Variants in XKR6 observed in about 807,000 individuals in gnomAD.
XKR6 encodes XK-related protein 6.
A neutral mutation model predicts 56.7 loss-of-function variants in XKR6; 22 were observed. The observed-to-expected ratio is 0.39, with a 90% confidence interval of 0.28 to 0.55. The LOEUF is 0.55. XKR6 is among the 20% of genes least tolerant of loss of function. The probability of loss-of-function intolerance (pLI) is 0.66; values close to 1 mark genes in which losing one functional copy is unlikely to be tolerated. For synonymous variants in XKR6, 524 were observed against 387.8 expected (o/e 1.35, Z -4.13); for missense variants, 852 against 889.0 (o/e 0.96, Z 0.53).
chr8:10,975,413 C>T (rs1802525710), intron 1 of XKR6, among the ~76,000 whole-genome samples: 1 of 152,226 alleles, frequency 6.6e-6, no homozygotes. Flanking sequence ...GGTGCACTGC[C>T]CTACAAAGCA....
chr8:11,157,542 G>C (rs919632628), intron 1 of XKR6, among the ~76,000 whole-genome samples: 1 of 152,026 alleles, frequency 6.6e-6, no homozygotes, highest in Non-Finnish European at 1.5e-5. Context: ...TAGAGATGCA[G>C]TCTCTCTCTG....
At chr8:11,074,871 A>G (rs1047076435) in intron 1 of XKR6, among the ~76,000 whole-genome samples, 8 of 152,188 alleles carry the variant, frequency 5.3e-5, no homozygotes, top group Non-Finnish European at 1.5e-5. Flanking sequence ...GATGAGCAAA[A>G]CAGCACTGAG....
intron 1 of XKR6, among the ~76,000 whole-genome samples, chr8:11,179,302 C>G (rs892449743): frequency 1.3e-5 from 2 of 152,158 alleles, no homozygotes; most frequent in Admixed American, 6.5e-5. Context: ...TAACTGTTAA[C>G]TGACAATTTT....
chr8:11,096,517 G>A (rs1798267094), intron 1 of XKR6, among the ~76,000 whole-genome samples: 2 of 152,194 alleles, frequency 1.3e-5, no homozygotes, highest in African/African-American at 2.4e-5. Flanking sequence ...GAAGGCATTG[G>A]TGTATCTGAA....
At chr8:11,140,542 T>G (rs761681022) in intron 1 of XKR6, among the ~76,000 whole-genome samples, 12 of 152,150 alleles carry the variant, frequency 7.9e-5, no homozygotes, top group Non-Finnish European at 1.5e-4. Context: ...CTAAGTAAAG[T>G]GACCTTCAAG....
rs541621602 is a variant in XKR6 at position 11,002,065 on chromosome 8, T to TAA, written c.765-77237_765-77236dup. 3.3e-3 allele frequency among the ~76,000 whole-genome samples: 423 copies of TAA among 127,060 alleles called. 1 individual carries two copies. Among genetic ancestry groups the TAA allele is most frequent in the African/African-American group, 0.012 (387 of 33,266 alleles). The allele number at this position is 127,060 out of a possible 152,430, so 83.4% of individuals were successfully genotyped here. ...AAATCCATGTCGTTACCATGTGAGT[T>TAA]AAAAAAAAAAAAAAAACACACAAAA... On this transcript the variant is annotated intron_variant, in intron 1 of 2. Coordinates refer to ENST00000416569, the MANE Select transcript of XKR6 (RefSeq NM_173683.4).
At chr8:10,945,740 TC>T (rs1405911519) in intron 1 of XKR6, among the ~76,000 whole-genome samples, 2 of 152,208 alleles carry the variant, frequency 1.3e-5, no homozygotes, top group Non-Finnish European at 2.9e-5. Flanking sequence ...AGTTCATATG[TC>T]TCTATTCCAA....
At chr8:10,994,367 G>A (rs1029682079) in intron 1 of XKR6, among the ~76,000 whole-genome samples, 7 of 152,242 alleles carry the variant, frequency 4.6e-5, no homozygotes, top group Admixed American at 3.9e-4. Flanking sequence ...TGCATCCTCT[G>A]GATGTGACAC....
chr8:11,130,612 G>GA (rs1554467292), intron 1 of XKR6, among the ~76,000 whole-genome samples: 7 of 143,408 alleles, frequency 4.9e-5, no homozygotes. Context: ...TCCCTCGCCG[G>GA]TTTTTTTTTT....
chr8:11,114,483 TC>T (rs1799062968), intron 1 of XKR6, among the ~76,000 whole-genome samples: 1 of 152,256 alleles, frequency 6.6e-6, no homozygotes, highest in Admixed American at 6.5e-5. Context: ...TGCCTCAGCC[TC>T]CCAAGTAGCT....
chr8:11,125,337 C>G (rs1295391483), intron 1 of XKR6, among the ~76,000 whole-genome samples: 1 of 152,100 alleles, frequency 6.6e-6, no homozygotes. Context: ...GCACAATTCA[C>G]AGGGCACATC....
chr8:11,005,663 C>T (rs971153361), intron 1 of XKR6, among the ~76,000 whole-genome samples: 1 of 152,096 alleles, frequency 6.6e-6, no homozygotes, highest in Non-Finnish European at 1.5e-5. Context: ...AAATACATCA[C>T]ATTGTAATCC....
chr8:11,136,541 A>G (rs1464621091), intron 1 of XKR6, among the ~76,000 whole-genome samples: 1 of 151,600 alleles, frequency 6.6e-6, no homozygotes, highest in East Asian at 1.9e-4. Context: ...TTGAAGCCCT[A>G]ACCCCCATTG....
intron 1 of XKR6, among the ~76,000 whole-genome samples, chr8:10,973,039 G>C (rs1048554141): frequency 6.6e-6 from 1 of 152,162 alleles, no homozygotes; most frequent in African/African-American, 2.4e-5. Context: ...GCTGTTTCTG[G>C]TTTCTTGATA....
chr8:11,198,420 T>G (rs1202471637), intron 1 of XKR6, among the ~76,000 whole-genome samples: 2 of 151,342 alleles, frequency 1.3e-5, no homozygotes, highest in African/African-American at 4.9e-5. Flanking sequence ...AGGAAATATT[T>G]AGAGATATAT....
chr8:11,155,603 A>ACAGTTTT (rs1387029017), intron 1 of XKR6, among the ~76,000 whole-genome samples: 1 of 152,216 alleles, frequency 6.6e-6, no homozygotes, highest in East Asian at 1.9e-4. Flanking sequence ...ATATACAGAC[A>ACAGTTTT]CAGTTTTCTC....
rs377052105 is a variant in XKR6 at position 10,937,776 on chromosome 8, G to T, written c.765-12946C>A. 2.6e-5 allele frequency among the ~76,000 whole-genome samples: 4 copies of T among 151,126 alleles called. 1 individual carries two copies. The highest frequency in any genetic ancestry group is 9.7e-5 in the African/African-American group (4 of 41,090). Reference sequence around the variant, plus strand: ...TGCCCGTTCTCAGATCTCCAGCTGCGTGCTGGGAGAACCACTGCTCTCTTC... The same window carrying T: ...TGCCCGTTCTCAGATCTCCAGCTGCTTGCTGGGAGAACCACTGCTCTCTTC... On this transcript the variant is annotated intron_variant, in intron 1 of 2. Transcript: ENST00000416569.
Position 11,023,665 on chromosome 8 carries a change from T to C in XKR6, c.765-98835A>G, listed in dbSNP as rs114031957. Among the ~76,000 whole-genome samples, 1,349 of 152,306 alleles carry C rather than the reference T, an allele frequency of 8.9e-3. 17 individuals carry two copies. Among genetic ancestry groups the C allele is most frequent in the African/African-American group, 0.03 (1,267 of 41,570 alleles). On this transcript the variant is annotated intron_variant, in intron 1 of 2. Transcript: ENST00000416569. ...AAAGGTCTGGCCTGTTCCCCTTTAT[T>C]TAGGGTTGAGGAACCCCACAGCGAG...
At chr8:11,006,918 G>T (rs1250946790) in intron 1 of XKR6, among the ~76,000 whole-genome samples, 4 of 150,166 alleles carry the variant, frequency 2.7e-5, no homozygotes, top group African/African-American at 9.8e-5. Context: ...TAGCCTCAGG[G>T]CGTGAATATG....
Sources: gnomAD v4.1 joint callset for allele counts (sites outside exome capture counted in the v4.1 genomes callset) on GRCh38, gnomAD v4.1.1 for gene constraint, MANE v1.5 for transcripts, NCBI Gene and HGNC (gene_info 2026-07-23, HGNC 2026-07-21) for gene names.